The following CDK15 variants were observed in gnomAD, a reference collection of about 807,000 sequenced individuals.
The protein encoded by CDK15 is cyclin-dependent kinase 15.
CDK15 carries 62 observed loss-of-function variants against 60.3 expected under a neutral mutation model. That is an observed-to-expected ratio of 1.03 (90% CI 0.84 to 1.27). The LOEUF is 1.27. Among genes scored for constraint, CDK15 ranks in the 50% most tolerant of loss-of-function variants. The pLI is 0.00. For synonymous variants in CDK15, 194 were observed against 195.7 expected (o/e 0.99, Z 0.07); for missense variants, 541 against 527.8 (o/e 1.03, Z -0.25).
At chr2:201,849,948 C>T (rs1225253927) in intron 9 of CDK15, among the ~76,000 whole-genome samples, 2 of 152,152 alleles carry the variant, frequency 1.3e-5, no homozygotes, top group Admixed American at 1.3e-4. Context: ...CCTCAGCCTC[C>T]TGACTAGCTG....
At chr2:201,866,937 C>A (rs775675888) in intron 10 of CDK15, among the ~76,000 whole-genome samples, 6 of 152,162 alleles carry the variant, frequency 3.9e-5, no homozygotes, top group Non-Finnish European at 5.9e-5. Flanking sequence ...AATGTAGCTA[C>A]AAAATAGAGG....
rs982047570 is a variant in CDK15 at position 201,844,147 on chromosome 2, T to G, written c.852-3234T>G. ...AGGTGTTTGGGAACTGGATAGAGGG[T>G]TAGTTCATGCCTTTAAAAGCCAATA... On this transcript the variant is annotated intron_variant, in intron 8 of 13. Coordinates refer to ENST00000652192, the MANE Select transcript of CDK15 (RefSeq NM_001366386.2). 2.0e-5 allele frequency among the ~76,000 whole-genome samples: 3 copies of G among 152,134 alleles called. No homozygotes were observed. The East Asian group carries it at 5.8e-4, about 29-fold the overall frequency.
chr2:201,872,838 G>C (rs1458922160), intron 11 of CDK15, among the ~76,000 whole-genome samples: 1 of 152,200 alleles, frequency 6.6e-6, no homozygotes, highest in Non-Finnish European at 1.5e-5. Context: ...TAACTAAGCT[G>C]TGCCAGGCAA....
chr2:201,812,173 C>CAAAAAAA (rs56808760), intron 3 of CDK15, among the ~76,000 whole-genome samples: 6 of 96,778 alleles, frequency 6.2e-5, no homozygotes, highest in Admixed American at 2.5e-4. Context: ...GATTCTGTCT[C>CAAAAAAA]AAAAAAAAAA....
At chr2:201,840,934 C>A (rs1428100682) in intron 8 of CDK15, among the ~76,000 whole-genome samples, 2 of 152,122 alleles carry the variant, frequency 1.3e-5, no homozygotes, top group Admixed American at 6.5e-5. Context: ...CTTTCATCAG[C>A]CATTTTCTTT....
intron 10 of CDK15, among the ~76,000 whole-genome samples, chr2:201,862,364 CT>C (rs536680769): frequency 5.2e-4 from 79 of 152,184 alleles, no homozygotes; most frequent in African/African-American, 1.8e-3. Context: ...CTGACCACTT[CT>C]AGTGCTTCTA....
At chr2:201,852,809 T>C (rs1418628210) in intron 9 of CDK15, among the ~76,000 whole-genome samples, 1 of 152,240 alleles carries the variant, frequency 6.6e-6, no homozygotes, top group Non-Finnish European at 1.5e-5. Flanking sequence ...AATTTCCAAA[T>C]AAAGTATATT....
chr2:201,833,716 CTTTTTTT>C (rs768867701), intron 6 of CDK15, 125 bp from the exon 7 acceptor site: 5 of 171,016 alleles, frequency 2.9e-5, no homozygotes, highest in African/African-American at 1.6e-4. Flanking sequence ...TCTTCTTCTT[CTTTTTTT>C]TTTTTTTTTT....
chr2:201,806,926 AT>A, intron 1 of CDK15, 139 bp downstream of exon 1: 1 of 1,032,810 alleles, frequency 9.7e-7, no homozygotes, highest in Non-Finnish European at 1.3e-6. Context: ...GTCACAGAAA[AT>A]TTATGGCTGT....
intron 9 of CDK15, among the ~76,000 whole-genome samples, chr2:201,853,683 ACT>A (rs2105785585): frequency 6.6e-6 from 1 of 151,848 alleles, no homozygotes; most frequent in South Asian, 2.1e-4. Context: ...GAACAATGTT[ACT>A]CTGTCTCCCA....
intron 13 of CDK15, among the ~76,000 whole-genome samples, chr2:201,893,060 G>A (rs1699686337): frequency 6.6e-6 from 1 of 152,166 alleles, no homozygotes; most frequent in Admixed American, 6.5e-5. Flanking sequence ...TTGAGCAGTT[G>A]GTGGTGGTGA....
At chr2:201,879,972 G>C in intron 11 of CDK15, 56 bp from the exon 12 acceptor site, 2 of 1,587,252 alleles carry the variant, frequency 1.3e-6, no homozygotes, top group African/African-American at 1.4e-5. Context: ...TTATCCCTTT[G>C]TTTTTCAGAA....
At chr2:201,854,993 T>A (rs149899531) in intron 10 of CDK15, 56 bp downstream of exon 10, 1 of 1,517,822 alleles carries the variant, frequency 6.6e-7, no homozygotes, top group Non-Finnish European at 9.1e-7. Flanking sequence ...AAGGAGAGCA[T>A]TGGCCACGCT....
chr2:201,834,563 T>C (rs548550782), intron 7 of CDK15, among the ~76,000 whole-genome samples: 2 of 152,314 alleles, frequency 1.3e-5, no homozygotes, highest in South Asian at 4.1e-4. Flanking sequence ...CAAATATATA[T>C]ACATGTGTGA....
chr2:201,857,115 A>G (rs1471912902), intron 10 of CDK15, among the ~76,000 whole-genome samples: 2 of 78,924 alleles, frequency 2.5e-5, no homozygotes, highest in Non-Finnish European at 4.5e-5. Flanking sequence ...AGTCCCAGCT[A>G]CTCGGGAGGC....
intron 10 of CDK15, among the ~76,000 whole-genome samples, chr2:201,856,457 A>G (rs1199263323): frequency 6.6e-6 from 1 of 152,210 alleles, no homozygotes; most frequent in Non-Finnish European, 1.5e-5. Context: ...CTATTTTTCT[A>G]GAGTTTAACA....
chr2:201,811,988 A>C (rs760600661), intron 3 of CDK15, among the ~76,000 whole-genome samples: 5 of 151,890 alleles, frequency 3.3e-5, no homozygotes, highest in Admixed American at 2.6e-4. Flanking sequence ...GCCTGGCCAA[A>C]ATGGTGAAAC....
chr2:201,847,439 T>C lies in CDK15; in HGVS notation c.910T>C (p.Ser304Pro). The change falls in exon 9 of 14, where the codon TCC (serine) becomes CCC (proline). Residue 304 changes from serine (S) to proline (P), a missense_variant. Ser to Pro is a moderately conservative substitution (Grantham distance 74). Transcript: ENST00000652192. ...FQGQPLFPGV[S>P]NILEQLEKIW... ...GGGTCAACCTTTGTTTCCTGGGGTT[T>C]CCAACATCCTTGAACAGCTGGAGAA... The C allele has an allele frequency of 1.2e-6, 2 of 1,614,138 alleles. No homozygotes were observed. The highest frequency in any genetic ancestry group is 1.7e-6 in the Non-Finnish European group (2 of 1,180,014).
intron 12 of CDK15, chr2:201,888,722 C>G (rs912113353): frequency 1.6e-5 from 20 of 1,233,536 alleles, no homozygotes; most frequent in Admixed American, 4.2e-5. Context: ...GTGTCTCTCT[C>G]TCTCTCCCTC....
Sources: allele counts gnomAD v4.1 joint callset (sites outside exome capture counted in the v4.1 genomes callset), GRCh38; gene constraint gnomAD v4.1.1; transcripts MANE v1.5; gene names NCBI Gene and HGNC (gene_info 2026-07-23, HGNC 2026-07-21).